The following PTPN3 variants were observed in gnomAD, a reference collection of about 807,000 sequenced individuals.
PTPN3 encodes the protein tyrosine-protein phosphatase non-receptor type 3.
A neutral mutation model predicts 132.7 loss-of-function variants in PTPN3; 96 were observed. The observed-to-expected ratio is 0.72, with a 90% CI of 0.61 to 0.86. The LOEUF (loss-of-function observed/expected upper bound fraction) is 0.86, where lower values mean the gene tolerates loss of function less well. Among genes scored for constraint, PTPN3 ranks in the 40% least tolerant of loss-of-function variants. The pLI is 0.00. For synonymous variants in PTPN3, 398 were observed against 429.0 expected (o/e 0.93, Z 0.89); for missense variants, 1,125 against 1,159.6 (o/e 0.97, Z 0.43).
At chr9:109,514,060 T>C in the PTPN3 span, among the ~76,000 whole-genome samples, 2 of 152,168 alleles carry the variant, frequency 1.3e-5, no homozygotes, top group African/African-American at 4.8e-5. Context: ...CCAAGCCGCA[T>C]GTCCCAAGAT....
Position 109,391,128 on chromosome 9 carries a change from C to T in PTPN3, c.2106+10G>A. 6.2e-7 allele frequency: 1 copy of T among 1,609,576 alleles called. No homozygotes were observed. Among genetic ancestry groups the T allele is most frequent in the African/African-American group, 1.3e-5 (1 of 74,940 alleles). On this transcript the variant is annotated intron_variant, in intron 21 of 25. Transcript: ENST00000374541. ...TGTGCTCTTAAGCATCATCCAGATT[C>T]CTAACTTACGTTCACGTAACTTGCA...
rs529186897 is a variant in PTPN3, at chr9:109,379,779, T to C, written c.2665-146A>G. The C allele has an allele frequency of 3.3e-5, 23 of 693,438 alleles. No individual in the cohort carries two copies. In the African/African-American group the frequency reaches 3.7e-4, roughly 11 times the overall value. The allele number at this position is 693,438 out of a possible 1,614,324, so 43.0% of individuals were successfully genotyped here. On this transcript the variant is annotated intron_variant, in intron 25 of 25. Coordinates refer to ENST00000374541, the MANE Select transcript of PTPN3 (RefSeq NM_002829.4). The stretch of plus-strand genomic sequence containing the variant: ...CAGGCCAGGTACACCTGTGAAGCCC[T>C]AGTTCCTATATGATGCGGGGAGGGG...
At chr9:109,469,894 CAG>C (rs1846288903) in intron 1 of PTPN3, among the ~76,000 whole-genome samples, 1 of 152,194 alleles carries the variant, frequency 6.6e-6, no homozygotes, top group Non-Finnish European at 1.5e-5. Flanking sequence ...TCAAGGGAAA[CAG>C]GGACAGCTCT....
At position 109,412,024 on chromosome 9, in the gene PTPN3, T is replaced by C. The variant is rs149967726; in HGVS notation, c.1314-1609A>G. 5.9e-5 allele frequency among the ~76,000 whole-genome samples: 9 copies of C among 152,302 alleles called. No homozygotes were observed. The East Asian group carries it at 1.3e-3, about 23-fold the overall frequency. On this transcript the variant is annotated intron_variant, in intron 14 of 25. Transcript: ENST00000374541. Reference sequence around the variant, plus strand: ...TTACGTAAAAGGAAGCTTTACAAAATTCCCCCCAAATACGGCATCTTTGCT... The same window carrying C: ...TTACGTAAAAGGAAGCTTTACAAAACTCCCCCCAAATACGGCATCTTTGCT...
chr9:109,441,413 C>T (rs1004145823), intron 7 of PTPN3, among the ~76,000 whole-genome samples: 1 of 152,118 alleles, frequency 6.6e-6, no homozygotes, highest in Non-Finnish European at 1.5e-5. Flanking sequence ...ATCTTAGAGG[C>T]GGTTCTCAGG....
chr9:109,473,645 A>T (rs1846490423), intron 1 of PTPN3, among the ~76,000 whole-genome samples: 1 of 152,236 alleles, frequency 6.6e-6, no homozygotes, highest in Non-Finnish European at 1.5e-5. Flanking sequence ...ATGAGAAGCT[A>T]GTAACTAAAA....
chr9:109,433,916 TAAAAAAAAAAAAA>T (rs1170933792), intron 9 of PTPN3, among the ~76,000 whole-genome samples: 2 of 98,284 alleles, frequency 2.0e-5, no homozygotes, highest in African/African-American at 6.7e-5. Context: ...AGACTCTGTT[TAAAAAAAAAAAAA>T]AAAAAAAAAA....
chr9:109,413,595 A>T (rs1842250812), intron 14 of PTPN3, among the ~76,000 whole-genome samples: 1 of 152,142 alleles, frequency 6.6e-6, no homozygotes, highest in African/African-American at 2.4e-5. Flanking sequence ...GGGCAGGATG[A>T]GGGATGCAAG....
upstream of PTPN3, among the ~76,000 whole-genome samples, chr9:109,502,844 C>T (rs78042633): frequency 0.063 from 9,565 of 152,158 alleles, 458 homozygotes; most frequent in East Asian, 0.23. Flanking sequence ...GGTTGAACAT[C>T]GGTAACTTCC....
intron 7 of PTPN3, among the ~76,000 whole-genome samples, chr9:109,441,117 G>A (rs10816810): frequency 0.39 from 58,562 of 151,980 alleles, 12,016 homozygotes; most frequent in African/African-American, 0.52. Flanking sequence ...CATAGTCCCT[G>A]CTCTTACCTA....
intron 11 of PTPN3, 37 bp downstream of exon 11, chr9:109,428,584 T>C (rs1229486228): frequency 3.8e-6 from 6 of 1,597,520 alleles, no homozygotes; most frequent in Non-Finnish European, 5.1e-6. Flanking sequence ...CACATACATA[T>C]GCACGAAACA....
chr9:109,469,006 G>A (rs1315901562), intron 1 of PTPN3, among the ~76,000 whole-genome samples: 2 of 152,322 alleles, frequency 1.3e-5, no homozygotes, highest in East Asian at 3.9e-4. Context: ...TGATAGATAT[G>A]TGATACATCT....
At chr9:109,518,685 G>A in the PTPN3 span, among the ~76,000 whole-genome samples, 37 of 152,250 alleles carry the variant, frequency 2.4e-4, no homozygotes, top group Admixed American at 6.5e-4. Flanking sequence ...AGGGCCCTGA[G>A]GTTACAACTG....
At chr9:109,532,494 A>G in the PTPN3 span, among the ~76,000 whole-genome samples, 1 of 152,136 alleles carries the variant, frequency 6.6e-6, no homozygotes, top group Admixed American at 6.5e-5. Context: ...TTCATTACAA[A>G]TTAAAAATGA....
At position 109,457,310 on chromosome 9, in the gene PTPN3, GTCA is replaced by G. The variant is rs755208388; in HGVS notation, c.225_227del (p.Asp77del). ...CACTTACAGGAGAGTCCACGGAGTCGTCATCATGCTGTAAACCAAAATATTCCT... is the reference window on the plus strand; with the variant it reads ...CACTTACAGGAGAGTCCACGGAGTCGTCATGCTGTAAACCAAAATATTCCT... On this transcript the variant is annotated inframe_deletion, in exon 3 of 26. Transcript: ENST00000374541. The G allele has an allele frequency of 6.2e-7, 1 of 1,613,984 alleles. No individual in the cohort carries two copies. The highest frequency in any genetic ancestry group is 8.5e-7 in the Non-Finnish European group (1 of 1,179,878).
chr9:109,530,809 C>A, the PTPN3 span, among the ~76,000 whole-genome samples: 1 of 152,124 alleles, frequency 6.6e-6, no homozygotes, highest in African/African-American at 2.4e-5. Flanking sequence ...TGCATTTTCC[C>A]AGTAATTAGT....
At position 109,462,031 on chromosome 9, in the gene PTPN3, A is replaced by G. The variant is rs565529821; in HGVS notation, c.138+1266T>C. ...TGCTGGAGTTTTCACTTGTTACAAC[A>G]ATGTTTCCCACCTACAAAAAAATGA... On this transcript the variant is annotated intron_variant, in intron 2 of 25. Transcript: ENST00000374541. Among the ~76,000 whole-genome samples, 11 of 151,592 alleles carry G rather than the reference A, an allele frequency of 7.3e-5. No individual in the cohort carries two copies. In the East Asian group the frequency reaches 2.1e-3, roughly 29 times the overall value.
At chr9:109,491,539 A>G (rs544485469) in intron 1 of PTPN3, among the ~76,000 whole-genome samples, 3 of 152,206 alleles carry the variant, frequency 2.0e-5, no homozygotes, top group African/African-American at 7.2e-5. Flanking sequence ...AAACTTAGAA[A>G]AAGTTTTTTT....
At chr9:109,532,075 A>G in the PTPN3 span, among the ~76,000 whole-genome samples, 1 of 152,248 alleles carries the variant, frequency 6.6e-6, no homozygotes, top group African/African-American at 2.4e-5. Context: ...CTTATGTGTA[A>G]GAATTTTAGA....
Sources: gnomAD v4.1 joint callset for allele counts (sites outside exome capture counted in the v4.1 genomes callset) on GRCh38, gnomAD v4.1.1 for gene constraint, MANE v1.5 for transcripts, NCBI Gene and HGNC (gene_info 2026-07-23, HGNC 2026-07-21) for gene names.